The following ACADVL variants were observed in gnomAD, a reference collection of about 807,000 sequenced individuals.
The protein encoded by ACADVL is very long-chain acyl-CoA dehydrogenase, mitochondrial.
ACADVL carries 73 observed loss-of-function variants against 80.4 expected under a neutral mutation model. The ratio of observed to expected loss-of-function variants is 0.91; its 90% CI spans 0.75 to 1.10. The LOEUF is 1.10. ACADVL is among the 50% of genes least tolerant of loss of function. The pLI, the probability that ACADVL is intolerant of heterozygous loss-of-function variation, is 0.00. For synonymous variants in ACADVL, 392 were observed against 326.5 expected (o/e 1.20, Z -2.16); for missense variants, 878 against 858.9 (o/e 1.02, Z -0.28).
At chr17:7,219,734 A>C (rs1003858790), upstream of ACADVL, 15 of 1,436,146 alleles carry the variant, frequency 1.0e-5, no homozygotes, top group Admixed American at 3.5e-4. Flanking sequence ...GGAGGACTAG[A>C]CTCTAGGTCG....
At chr17:7,223,755 G>T (rs373157378) in intron 12 of ACADVL, 25 bp downstream of exon 12, 1 of 1,613,976 alleles carries the variant, frequency 6.2e-7, no homozygotes, top group East Asian at 2.2e-5. Context: ...ATGCTGGGAG[G>T]GAGTCCAGTT....
chr17:7,219,871 G>A (rs778969037), upstream of ACADVL: 6 of 1,539,702 alleles, frequency 3.9e-6, no homozygotes, highest in South Asian at 7.2e-5. Flanking sequence ...GCAACCGTCC[G>A]CCGCCCGGTG....
chr17:7,220,263 C>A, intron 2 of ACADVL, 66 bp downstream of exon 2: 1 of 1,506,096 alleles, frequency 6.6e-7, no homozygotes, highest in African/African-American at 1.4e-5. Flanking sequence ...CCGCCATCGG[C>A]AGGGATCTCC....
Position 7,224,893 on chromosome 17 carries a change from CG to C in ACADVL, c.1827+13del. On this transcript the variant is annotated intron_variant, in intron 19 of 19. Transcript: ENST00000356839. ...ACACCTGGTGTATCGAGGTGAGACT[CG>C]GGGCTGCCAAGCTCAGGTGAGGGCT... The C allele has an allele frequency of 3.1e-6, 5 of 1,614,022 alleles. No individual in the cohort carries two copies.
chr17:7,218,787 C>T, upstream of ACADVL: 1 of 1,612,862 alleles, frequency 6.2e-7, no homozygotes, highest in Non-Finnish European at 8.5e-7. Context: ...CAGCCCCCCA[C>T]TTCGCTCCCA....
chr17:7,217,134 C>A, upstream of ACADVL: 1 of 1,302,160 alleles, frequency 7.7e-7, no homozygotes, highest in Non-Finnish European at 9.8e-7. Context: ...TGTCACTATA[C>A]AGAGACAGTC....
chr17:7,219,768 G>C (rs2071091173), upstream of ACADVL: 2 of 1,482,740 alleles, frequency 1.3e-6, no homozygotes, highest in Non-Finnish European at 1.8e-6. Context: ...AAGGAGTTTG[G>C]GGGAGACGAG....
chr17:7,219,921 T>TGGGCGTGCAGGTCGC (rs1555527391), upstream of ACADVL: 29 of 1,555,298 alleles, frequency 1.9e-5, no homozygotes, highest in Non-Finnish European at 2.5e-5. Flanking sequence ...CGCCAGGACG[T>TGGGCGTGCAGGTCGC]GGGCGTGCAG....
At chr17:7,217,560 G>A (rs2070985180), upstream of ACADVL, 3 of 898,132 alleles carry the variant, frequency 3.3e-6, no homozygotes, top group Non-Finnish European at 3.9e-6. Flanking sequence ...GGGGAGTGGG[G>A]TGGGGGGGTT....
At chr17:7,218,541 C>A, upstream of ACADVL, 1 of 1,558,096 alleles carries the variant, frequency 6.4e-7, no homozygotes. Flanking sequence ...GGCTACTCAC[C>A]CAGCAAGGCC....
Position 7,219,959 on chromosome 17 carries a change from C to T in ACADVL, c.-26C>T, listed in dbSNP as rs1001479462. The T allele has an allele frequency of 1.4e-5, 19 of 1,367,892 alleles. No individual in the cohort carries two copies. The highest frequency in any genetic ancestry group is 1.9e-5 in the Admixed American group (1 of 53,390). 84.7% of individuals were successfully genotyped at this position (1,367,892 alleles called of 1,614,324 possible). ...CGCCAGAGCTGGGTCAGAGCTCGAGCCAGCGGCGCCCGGAGAGATTCGGAG... is the reference window on the plus strand; with the variant it reads ...CGCCAGAGCTGGGTCAGAGCTCGAGTCAGCGGCGCCCGGAGAGATTCGGAG... On this transcript the variant is annotated 5_prime_UTR_variant, in exon 1 of 20. Coordinates refer to ENST00000356839, the MANE Select transcript of ACADVL (RefSeq NM_000018.4).
rs757515181 is a variant in ACADVL at position 7,221,013 on chromosome 17, G to GC, written c.433dup (p.Gln145ProfsTer5). On this transcript the variant is annotated frameshift_variant, in exon 6 of 20. Coordinates refer to ENST00000356839, the MANE Select transcript of ACADVL (RefSeq NM_000018.4). LOFTEE classifies it high-confidence loss of function. ...TCAAGGAGCTGGGGGCCTTTGGTCT[G>GC]CAAGTGCCCAGTGAGCTGGGTGGTG... 5.0e-6 allele frequency: 8 copies of GC among 1,614,052 alleles called. No homozygotes were observed. The highest frequency in any genetic ancestry group is 6.8e-6 in the Non-Finnish European group (8 of 1,180,018).
intron 10 of ACADVL, 43 bp downstream of exon 10, chr17:7,222,908 C>G: frequency 6.2e-7 from 1 of 1,600,244 alleles, no homozygotes; most frequent in Non-Finnish European, 8.5e-7. Flanking sequence ...AAACAGAAGT[C>G]TCACTGTCCC....
chr17:7,222,728 GGAGTAC>G lies in ACADVL; in HGVS notation c.942_947del (p.Arg316_Val317del), dbSNP rs1567565386. 3 of 1,614,144 alleles carry G rather than the reference GGAGTAC, an allele frequency of 1.9e-6. No homozygotes were observed. Among genetic ancestry groups the G allele is most frequent in the Non-Finnish European group, 2.5e-6 (3 of 1,180,020 alleles). ...AAACACAGCAGAGGTGTTCTTTGAT[GGAGTAC>G]GGGTGCCATCGGAGAACGTGCTGGG... On this transcript the variant is annotated inframe_deletion, in exon 10 of 20. Transcript: ENST00000356839.
At chr17:7,219,657 C>T (rs2071088172), upstream of ACADVL, 1 of 1,294,348 alleles carries the variant, frequency 7.7e-7, no homozygotes, top group Non-Finnish European at 9.9e-7. Context: ...CAGTCCACCT[C>T]CATCCCTCTG....
At chr17:7,224,785 T>C in intron 18 of ACADVL, 24 bp from the exon 19 acceptor site, 1 of 1,613,902 alleles carries the variant, frequency 6.2e-7, no homozygotes, top group Non-Finnish European at 8.5e-7. Context: ...CCCAGATTTA[T>C]TTTCATCTCC....
Position 7,225,148 on chromosome 17 carries a change from G to A in ACADVL, c.*51G>A. On this transcript the variant is annotated 3_prime_UTR_variant, in exon 20 of 20. Transcript: ENST00000356839. Reference sequence around the variant, plus strand: ...GTTATGTGCCTTCCCTCAAGCCAAAGCCGAAGCCCCTTTCCTTAAGGCCCT... The same window carrying A: ...GTTATGTGCCTTCCCTCAAGCCAAAACCGAAGCCCCTTTCCTTAAGGCCCT... The A allele has an allele frequency of 1.9e-6, 3 of 1,612,698 alleles. No homozygotes were observed. Among genetic ancestry groups the A allele is most frequent in the Non-Finnish European group, 2.5e-6 (3 of 1,179,932 alleles).
At chr17:7,223,616 T>G (rs764374499) in intron 11 of ACADVL, 28 bp from the exon 12 acceptor site, 1 of 1,613,490 alleles carries the variant, frequency 6.2e-7, no homozygotes, top group Admixed American at 1.7e-5. Context: ...GCAATTTTCC[T>G]TCCCATGTCC....
chr17:7,223,541 G>A (rs974813079), intron 11 of ACADVL, 103 bp from the exon 12 acceptor site: 2 of 1,269,734 alleles, frequency 1.6e-6, no homozygotes, highest in Non-Finnish European at 1.2e-6. Flanking sequence ...TGCCTGACCT[G>A]ACAAGCTAGG....
Sources: allele counts gnomAD v4.1 joint callset, GRCh38; gene constraint gnomAD v4.1.1; transcripts MANE v1.5; gene names NCBI Gene and HGNC (gene_info 2026-07-23, HGNC 2026-07-21).